PARP6: variants seen among roughly 807,000 people sequenced by gnomAD.
The protein encoded by PARP6 is protein mono-ADP-ribosyltransferase PARP6.
Under a neutral mutation model 92.0 loss-of-function variants are expected in PARP6, and 27 were observed. That is an observed-to-expected ratio of 0.29 (90% confidence interval 0.22 to 0.40). The LOEUF is 0.40. Ranked by LOEUF, PARP6 falls within the 10% of genes least tolerant of loss-of-function variation. The pLI, the probability that PARP6 is intolerant of heterozygous loss-of-function variation, is 1.00. For missense variants in PARP6, 501 were observed against 784.5 expected (o/e 0.64, Z 4.32); for synonymous variants, 272 against 281.2 (o/e 0.97, Z 0.33).
intron 11 of PARP6, among the ~76,000 whole-genome samples, chr15:72,258,761 C>A (rs1048410122): frequency 2.0e-5 from 3 of 152,164 alleles, no homozygotes; most frequent in African/African-American, 7.2e-5. Context: ...TTTAATGACA[C>A]CCTGTCTTAA....
Position 72,258,018 on chromosome 15 carries a change from A to G in PARP6, c.906+19T>C. 6.5e-7 allele frequency: 1 copy of G among 1,548,344 alleles called. No individual in the cohort carries two copies. The highest frequency in any genetic ancestry group is 1.1e-5 in the South Asian group (1 of 89,734). On this transcript the variant is annotated intron_variant, in intron 12 of 23. Coordinates refer to ENST00000569795, the MANE Select transcript of PARP6 (RefSeq NM_001323532.2). Reference sequence around the variant, plus strand: ...GGGGACCTGGTTAAGGAAGAGGGTCATAGAGTACGGTCCTATACCTTCAGC... The same window carrying G: ...GGGGACCTGGTTAAGGAAGAGGGTCGTAGAGTACGGTCCTATACCTTCAGC...
chr15:72,260,227 G>A (rs1262752667), intron 10 of PARP6, among the ~76,000 whole-genome samples: 1 of 152,198 alleles, frequency 6.6e-6, no homozygotes, highest in Non-Finnish European at 1.5e-5. Flanking sequence ...GCTGAGGTAG[G>A]AGGATCATGA....
At position 72,260,505 on chromosome 15, in the gene PARP6, G is replaced by A; in HGVS notation, c.729C>T (p.Leu243=). 2 of 1,614,162 alleles carry A rather than the reference G, an allele frequency of 1.2e-6. No individual in the cohort carries two copies. Among genetic ancestry groups the A allele is most frequent in the Non-Finnish European group, 8.5e-7 (1 of 1,179,976 alleles). ...AAGGAGAGGTCCGTGCTGGGGGAGG[G>A]AGGCCCACGTGCTGAGGGCACAGGA... The part of the protein sequence containing the change: ...AGLLCPQHVG[L]PPPARTSPLV... Residue 243 remains leucine, a synonymous_variant, in exon 10 of 24, where the codon CTC becomes CTT. Coordinates refer to ENST00000569795, the MANE Select transcript of PARP6 (RefSeq NM_001323532.2).
chr15:72,261,014 A>G (rs1597095589), intron 9 of PARP6, among the ~76,000 whole-genome samples: 1 of 152,216 alleles, frequency 6.6e-6, no homozygotes, highest in Admixed American at 6.5e-5. Context: ...AGAGAAAAAA[A>G]AATAGAGAGA....
At chr15:72,267,222 TA>T (rs1040168530) in intron 3 of PARP6, 8 of 577,198 alleles carry the variant, frequency 1.4e-5, no homozygotes, top group African/African-American at 1.3e-4. Context: ...CAAGCACACC[TA>T]AACTCTCTTG....
chr15:72,259,009 T>C (rs972909944), intron 11 of PARP6, among the ~76,000 whole-genome samples: 5 of 152,178 alleles, frequency 3.3e-5, no homozygotes, highest in African/African-American at 9.7e-5. Context: ...AGGCAGCCCA[T>C]AGTATGTGAC....
intron 11 of PARP6, 25 bp downstream of exon 11, chr15:72,259,583 G>A (rs374938580): frequency 1.3e-5 from 21 of 1,610,506 alleles, no homozygotes; most frequent in East Asian, 4.5e-5. Flanking sequence ...GAAGGGCTTC[G>A]GAGTGACAAT....
chr15:72,266,308 C>T (rs952688957), intron 4 of PARP6, among the ~76,000 whole-genome samples: 3 of 152,188 alleles, frequency 2.0e-5, no homozygotes, highest in Non-Finnish European at 4.4e-5. Flanking sequence ...CAACTCAGAA[C>T]AGGCTGAAGA....
At position 72,266,774 on chromosome 15, in the gene PARP6, CATT is replaced by C; in HGVS notation, c.49_51del (p.Asn17del). The C allele has an allele frequency of 6.2e-7, 1 of 1,613,992 alleles. No individual in the cohort carries two copies. Among genetic ancestry groups the C allele is most frequent in the Middle Eastern group, 1.6e-4 (1 of 6,062 alleles). ...ACGCCATAGAGAAATTCCTCTGATTCATTATCTCCCTCCGAGTCGTCATCATTC... is the reference window on the plus strand; with the variant it reads ...ACGCCATAGAGAAATTCCTCTGATTCATCTCCCTCCGAGTCGTCATCATTC... On this transcript the variant is annotated inframe_deletion, in exon 4 of 24. Coordinates refer to ENST00000569795, the MANE Select transcript of PARP6 (RefSeq NM_001323532.2).
intron 11 of PARP6, 136 bp downstream of exon 11, chr15:72,259,472 C>A: frequency 1.4e-6 from 1 of 713,738 alleles, no homozygotes; most frequent in Non-Finnish European, 2.5e-6. Context: ...GGAACAATGC[C>A]TTCTTTCCTT....
chr15:72,252,367 G>C (rs918716192), intron 16 of PARP6, among the ~76,000 whole-genome samples: 19 of 152,196 alleles, frequency 1.2e-4, no homozygotes, highest in African/African-American at 4.3e-4. Context: ...CACTGTGGTA[G>C]ATTTTAAGTG....
intron 6 of PARP6, 103 bp downstream of exon 6, chr15:72,265,310 T>A: frequency 9.0e-7 from 1 of 1,110,186 alleles, no homozygotes; most frequent in South Asian, 1.2e-5. Flanking sequence ...AGATGAAGAA[T>A]ATGTGCTCCA....
intron 6 of PARP6, 91 bp from the exon 7 acceptor site, chr15:72,265,262 G>T: frequency 9.6e-7 from 1 of 1,037,486 alleles, no homozygotes. Flanking sequence ...GCACATGACA[G>T]TACACACCAC....
At chr15:72,258,656 A>C (rs1050367095) in intron 11 of PARP6, among the ~76,000 whole-genome samples, 2 of 152,264 alleles carry the variant, frequency 1.3e-5, no homozygotes, top group African/African-American at 4.8e-5. Context: ...CACTGGTCAA[A>C]ACTACAGACA....
chr15:72,260,243 G>C (rs1212946753), intron 10 of PARP6, among the ~76,000 whole-genome samples: 2 of 152,264 alleles, frequency 1.3e-5, no homozygotes, highest in East Asian at 3.9e-4. Flanking sequence ...CATGAGCCTG[G>C]GAGGCAGCAA....
Position 72,241,677 on chromosome 15 carries a change from C to A in PARP6, c.1791-120G>T. On this transcript the variant is annotated intron_variant, in intron 23 of 23. Coordinates refer to ENST00000569795, the MANE Select transcript of PARP6 (RefSeq NM_001323532.2). This position sits in a 1 kb window ranked among gnomAD's most constrained non-coding sequence, Gnocchi z 4.1. ...TCCCAGAAGTCAAAGCCCTTTCTCA[C>A]TGCTTCATAGTGGAAGATATTCAGC... 1.2e-6 allele frequency: 1 copy of A among 831,152 alleles called. No individual in the cohort carries two copies. The highest frequency in any genetic ancestry group is 2.0e-6 in the Non-Finnish European group (1 of 503,858). The allele number at this position is 831,152 out of a possible 1,614,324, so 51.5% of individuals were successfully genotyped here.
At chr15:72,265,796 A>G in intron 5 of PARP6, 101 bp downstream of exon 5, 1 of 808,616 alleles carries the variant, frequency 1.2e-6, no homozygotes, top group Admixed American at 2.2e-5. Context: ...TAAGTTCATA[A>G]TTTATCCCAC....
chr15:72,271,653 A>G (rs947675931), intron 1 of PARP6, among the ~76,000 whole-genome samples: 13 of 152,238 alleles, frequency 8.5e-5, no homozygotes, highest in African/African-American at 2.9e-4. Context: ...ACAGGTCCTA[A>G]TTACATCTAA....
chr15:72,268,106 C>T (rs1416495315), intron 2 of PARP6, among the ~76,000 whole-genome samples: 1 of 152,180 alleles, frequency 6.6e-6, no homozygotes, highest in African/African-American at 2.4e-5. Context: ...GACATGCTTG[C>T]GTGCATATAC....
Sources: allele counts gnomAD v4.1 joint callset (sites outside exome capture counted in the v4.1 genomes callset), GRCh38; gene constraint gnomAD v4.1.1; non-coding constraint Gnocchi (gnomAD v3.1); transcripts MANE v1.5; gene names NCBI Gene and HGNC (gene_info 2026-07-23, HGNC 2026-07-21).